Variants in SH3D21 observed in about 807,000 individuals in gnomAD.
SH3D21 encodes SH3 domain-containing protein 21.
Under a neutral mutation model 82.1 loss-of-function variants are expected in SH3D21, and 83 were observed. That is an observed-to-expected ratio of 1.01 (90% CI 0.85 to 1.21). The LOEUF (loss-of-function observed/expected upper bound fraction) is 1.21, where lower values mean the gene tolerates loss of function less well. SH3D21 is among the 50% of genes most tolerant of loss of function. The pLI is 0.00. For synonymous variants in SH3D21, 383 were observed against 387.8 expected (o/e 0.99, Z 0.15); for missense variants, 980 against 962.1 (o/e 1.02, Z -0.25).
downstream of SH3D21, among the ~76,000 whole-genome samples, chr1:36,325,097 G>T (rs921050143): frequency 3.3e-5 from 5 of 152,156 alleles, no homozygotes; most frequent in Non-Finnish European, 7.3e-5. Context: ...GTACAGAGGT[G>T]CTATCTCAGC....
downstream of SH3D21, among the ~76,000 whole-genome samples, chr1:36,325,320 T>C (rs1340422528): frequency 6.6e-6 from 1 of 152,132 alleles, no homozygotes; most frequent in Non-Finnish European, 1.5e-5. Context: ...GTGTGAGCCA[T>C]CATGCCGGCC....
downstream of SH3D21, chr1:36,321,480 C>A: frequency 1.1e-6 from 1 of 930,744 alleles, no homozygotes; most frequent in Non-Finnish European, 1.4e-6. This position sits in a 1 kb window ranked among gnomAD's most constrained non-coding sequence, Gnocchi z 6.1. Flanking sequence ...CTCTTGACGC[C>A]CGGCCTAGAT....
intron 10 of SH3D21, among the ~76,000 whole-genome samples, chr1:36,311,205 G>A (rs1376201283): frequency 6.6e-6 from 1 of 151,734 alleles, no homozygotes; most frequent in Non-Finnish European, 1.5e-5. Context: ...CACCGTGCCT[G>A]GCTGAGATTT....
chr1:36,321,918 G>A, downstream of SH3D21: 2 of 1,088,884 alleles, frequency 1.8e-6, no homozygotes, highest in Non-Finnish European at 2.2e-6. This position sits in a 1 kb window ranked among gnomAD's most constrained non-coding sequence, Gnocchi z 6.1. Flanking sequence ...GTTGGTGGGT[G>A]GGGGTGGTGC....
chr1:36,321,159 C>G lies in SH3D21; in HGVS notation c.*32C>G. ...GCCTGGGAAGGGACCGCGGCCTGAC[C>G]TGGCTGGGGCCACCCACGTCCTTGC... is the stretch of plus-strand genomic sequence containing the variant. On this transcript the variant is annotated 3_prime_UTR_variant, in exon 16 of 16. Coordinates refer to ENST00000453908, the MANE Select transcript of SH3D21 (RefSeq NM_001162530.2). The surrounding 1 kb of genome is among the most constrained non-coding windows in gnomAD (Gnocchi z 6.1). 6.2e-7 allele frequency: 1 copy of G among 1,601,764 alleles called. No homozygotes were observed. The highest frequency in any genetic ancestry group is 8.5e-7 in the Non-Finnish European group (1 of 1,174,692).
Position 36,320,122 on chromosome 1 carries a change from AC to A in SH3D21, c.1463del (p.Pro488GlnfsTer32). 2 of 1,613,974 alleles carry A rather than the reference AC, an allele frequency of 1.2e-6. No individual in the cohort carries two copies. Among genetic ancestry groups the A allele is most frequent in the Non-Finnish European group, 1.7e-6 (2 of 1,180,014 alleles). On this transcript the variant is annotated frameshift_variant, in exon 14 of 16. Transcript: ENST00000453908. LOFTEE classifies it high-confidence loss of function. ...GGCCCCCACTCTAGAAAAGGTCTTG[AC>A]CCCAGAGCTTTCTGAAGAAGAGGTG... is the stretch of plus-strand genomic sequence containing the variant. ...DEAPTLEKVL[T>X]PELSEEEVST...
Position 36,320,643 on chromosome 1 carries a change from C to G in SH3D21, c.1980C>G (p.Ile660Met), listed in dbSNP as rs1466407650. Reference sequence around the variant, plus strand: ...CCTTTGCCCAAAAAACACGTCCTATCAAGCCGCCTCCAGACTCCCAAGAGA... The same window carrying G: ...CCTTTGCCCAAAAAACACGTCCTATGAAGCCGCCTCCAGACTCCCAAGAGA... ...ERAFAQKTRPIKPPPDSQETL... is the reference protein window; with the variant it reads ...ERAFAQKTRPMKPPPDSQETL... The change falls in exon 14 of 16, where the codon ATC (isoleucine) becomes ATG (methionine). Residue 660 changes from isoleucine (I) to methionine (M), a missense_variant. Coordinates refer to ENST00000453908, the MANE Select transcript of SH3D21 (RefSeq NM_001162530.2). The G allele has an allele frequency of 1.9e-6, 3 of 1,614,262 alleles. No homozygotes were observed. The highest frequency in any genetic ancestry group is 2.2e-5 in the East Asian group (1 of 44,888).
rs775676567 is a variant in SH3D21 at position 36,307,121 on chromosome 1, G to C, written c.227-46G>C. ...GCCTTGCGCTTCCCCCAGCTCCTCT[G>C]ACTGGGGCGTCCGACTGGAGCTCAG... On this transcript the variant is annotated intron_variant, in intron 3 of 15. Transcript: ENST00000453908. This position sits in a 1 kb window ranked among gnomAD's most constrained non-coding sequence, Gnocchi z 5.4. 1.2e-5 allele frequency: 18 copies of C among 1,549,192 alleles called. No homozygotes were observed. Among genetic ancestry groups the C allele is most frequent in the Middle Eastern group, 1.7e-4 (1 of 5,946 alleles).
At chr1:36,309,665 A>G in intron 10 of SH3D21, 75 bp downstream of exon 10, 1 of 1,511,876 alleles carries the variant, frequency 6.6e-7, no homozygotes, top group Non-Finnish European at 9.0e-7. Flanking sequence ...ATAAACACCC[A>G]CAGCACCCCA....
chr1:36,314,019 G>C (rs1646294956), intron 10 of SH3D21, among the ~76,000 whole-genome samples: 1 of 61,376 alleles, frequency 1.6e-5, no homozygotes, highest in Non-Finnish European at 3.3e-5. Context: ...CTGTCACCCA[G>C]GCTGGAGTGC....
chr1:36,307,498 C>T lies in SH3D21; in HGVS notation c.346-19C>T, dbSNP rs886527184. The stretch of plus-strand genomic sequence containing the variant: ...CTTGGGGCAGAACCAGACGCCTCTG[C>T]GTCCTCCCCTCTCCCCAGATTGAGG... On this transcript the variant is annotated intron_variant, in intron 4 of 15. Coordinates refer to ENST00000453908, the MANE Select transcript of SH3D21 (RefSeq NM_001162530.2). The surrounding 1 kb of genome is among the most constrained non-coding windows in gnomAD (Gnocchi z 5.4). The T allele has an allele frequency of 1.3e-6, 2 of 1,550,560 alleles. No homozygotes were observed. Among genetic ancestry groups the T allele is most frequent in the Admixed American group, 2.0e-5 (1 of 50,918 alleles).
At chr1:36,310,704 C>A (rs966907419) in intron 10 of SH3D21, among the ~76,000 whole-genome samples, 1 of 152,112 alleles carries the variant, frequency 6.6e-6, no homozygotes, top group Non-Finnish European at 1.5e-5. Flanking sequence ...GTGTCCTCCT[C>A]CTCTTTCCTA....
Position 36,306,474 on chromosome 1 carries a change from C to T in SH3D21, c.4+50C>T, listed in dbSNP as rs1445902814. The T allele has an allele frequency of 1.4e-5, 18 of 1,305,196 alleles. No individual in the cohort carries two copies. In the Admixed American group the frequency reaches 3.9e-4, roughly 28 times the overall value. The allele number at this position is 1,305,196 out of a possible 1,614,324, so 80.9% of individuals were successfully genotyped here. A position where few individuals can be genotyped will look rare whatever the true frequency, so the allele number is the denominator to read the frequency against. Reference sequence around the variant, plus strand: ...CCTCTCTCTGCAACCGTGGACATAGCAAGAGCCCACACCACCCCCCGACCC... The same window carrying T: ...CCTCTCTCTGCAACCGTGGACATAGTAAGAGCCCACACCACCCCCCGACCC... On this transcript the variant is annotated intron_variant, in intron 1 of 15. Transcript: ENST00000453908. The surrounding 1 kb of genome is among the most constrained non-coding windows in gnomAD (Gnocchi z 4.5).
downstream of SH3D21, chr1:36,327,647 G>A: frequency 8.4e-6 from 10 of 1,190,850 alleles, no homozygotes; most frequent in Non-Finnish European, 1.1e-5. Context: ...GGAGCAGGAT[G>A]AGGGTTGAGA....
chr1:36,308,551 C>T (rs1646177052), intron 9 of SH3D21, 76 bp downstream of exon 9: 7 of 1,240,732 alleles, frequency 5.6e-6, no homozygotes, highest in Admixed American at 2.0e-5. Context: ...GGGCACTCTC[C>T]GGACCTAGCT....
rs1646416163 is a variant in SH3D21, at chr1:36,319,911, A to G, written c.1248A>G (p.Pro416=). Residue 416 remains proline, a synonymous_variant, in exon 14 of 16, where the codon CCA becomes CCG. Coordinates refer to ENST00000453908, the MANE Select transcript of SH3D21 (RefSeq NM_001162530.2). Reference sequence around the variant, plus strand: ...CAGCTCCTGACAAAGTCCCCACCCCAGAGAAGATGGTGACTCCGGAGGACA... The same window carrying G: ...CAGCTCCTGACAAAGTCCCCACCCCGGAGAAGATGGTGACTCCGGAGGACA... The part of the protein sequence containing the change: ...KIPAPDKVPT[P]EKMVTPEDKA... The G allele has an allele frequency of 6.2e-7, 1 of 1,614,054 alleles. No homozygotes were observed.
chr1:36,328,379 G>A, downstream of SH3D21: 1 of 348,408 alleles, frequency 2.9e-6, no homozygotes, highest in South Asian at 2.2e-5. Flanking sequence ...AGGGAAGAGG[G>A]AGACTCACCG....
intron 10 of SH3D21, among the ~76,000 whole-genome samples, chr1:36,318,649 T>G (rs1646384659): frequency 6.6e-6 from 1 of 151,908 alleles, no homozygotes; most frequent in African/African-American, 2.4e-5. Flanking sequence ...GGCTCACACC[T>G]GTAATCCCAG....
In SH3D21 at chr1:36,308,417, G is replaced by A. The variant is rs1235809245; in HGVS notation, c.668G>A (p.Gly223Glu). 3 of 1,551,966 alleles carry A rather than the reference G, an allele frequency of 1.9e-6. No homozygotes were observed. The highest frequency in any genetic ancestry group is 1.2e-5 in the South Asian group (1 of 84,056). ...KTTEDKGWWE[G>E]ECQGRRGVFP... ...ACAGAGGATAAGGGCTGGTGGGAAG[G>A]AGAGTGTCAAGGACGAAGAGGAGTT... The change falls in exon 9 of 16, where the codon GGA (glycine) becomes GAA (glutamate). Residue 223 changes from glycine to glutamate, a missense_variant. By Grantham distance (98) the Gly-to-Glu change is moderately conservative. Coordinates refer to ENST00000453908, the MANE Select transcript of SH3D21 (RefSeq NM_001162530.2).
Sources: allele counts gnomAD v4.1 joint callset (sites outside exome capture counted in the v4.1 genomes callset), GRCh38; gene constraint gnomAD v4.1.1; non-coding constraint Gnocchi (gnomAD v3.1); transcripts MANE v1.5; gene names NCBI Gene and HGNC (gene_info 2026-07-23, HGNC 2026-07-21).